NCOR1: variants seen among roughly 807,000 people sequenced by gnomAD.
The protein encoded by NCOR1 is protein phosphatase 1, regulatory subunit 109.
Under a neutral mutation model 288.1 loss-of-function variants are expected in NCOR1, and 63 were observed. The observed-to-expected ratio is 0.22, with a 90% CI of 0.18 to 0.27. The LOEUF is 0.27. Among genes scored for constraint, NCOR1 ranks in the 10% least tolerant of loss-of-function variants. The pLI is 1.00. For synonymous variants in NCOR1, 1,007 were observed against 1,065.9 expected (o/e 0.94, Z 1.08); for missense variants, 2,397 against 3,019.2 (o/e 0.79, Z 4.83).
chr17:16,164,059 T>C (rs1238326567), intron 5 of NCOR1, among the ~76,000 whole-genome samples: 2 of 151,948 alleles, frequency 1.3e-5, no homozygotes, highest in Non-Finnish European at 2.9e-5. Context: ...TGTTCTAGAA[T>C]TAGAGAGTGG....
intron 4 of NCOR1, among the ~76,000 whole-genome samples, chr17:16,170,963 C>T (rs1414465349): frequency 6.6e-6 from 1 of 151,804 alleles, no homozygotes; most frequent in Non-Finnish European, 1.5e-5. Flanking sequence ...TAATAGAACT[C>T]GCATTGTTTG....
chr17:16,126,164 CTTT>C lies in NCOR1; in HGVS notation c.1549_1551del (p.Lys517del), dbSNP rs761010052. On this transcript the variant is annotated inframe_deletion, in exon 15 of 46. Coordinates refer to ENST00000268712, the MANE Select transcript of NCOR1 (RefSeq NM_006311.4). ...TCTGTTTTTTCTGCTTTATCCTCTT[CTTT>C]TTCTTCTACTTTTTCTTCTTGCGAG... The C allele has an allele frequency of 1.1e-4, 175 of 1,549,062 alleles. No individual in the cohort carries two copies. The highest frequency in any genetic ancestry group is 1.5e-4 in the Non-Finnish European group (173 of 1,152,250).
intron 16 of NCOR1, 135 bp downstream of exon 16, chr17:16,120,917 T>C: frequency 1.3e-6 from 1 of 782,564 alleles, no homozygotes; most frequent in Non-Finnish European, 1.9e-6. Flanking sequence ...ACATTAAAGT[T>C]TAAAAAATTT....
At chr17:16,157,683 T>TA (rs1278714033) in intron 6 of NCOR1, among the ~76,000 whole-genome samples, 3 of 152,136 alleles carry the variant, frequency 2.0e-5, no homozygotes, top group African/African-American at 7.2e-5. Context: ...TGCCTTTAGC[T>TA]AAAAACCCTA....
intron 19 of NCOR1, among the ~76,000 whole-genome samples, chr17:16,104,697 A>C (rs1023736809): frequency 6.6e-6 from 1 of 152,296 alleles, no homozygotes; most frequent in Non-Finnish European, 1.5e-5. Context: ...CTTGAGCCCA[A>C]GAGGTCAAGG....
At chr17:16,176,893 G>A (rs1241265335) in intron 3 of NCOR1, among the ~76,000 whole-genome samples, 1 of 151,978 alleles carries the variant, frequency 6.6e-6, no homozygotes, top group Admixed American at 6.6e-5. Context: ...AACAAGATAT[G>A]TTTTATCAAT....
Position 16,063,535 on chromosome 17 carries a change from A to G in NCOR1, c.5221+533T>C, listed in dbSNP as rs145455520. Among the ~76,000 whole-genome samples, 297 of 152,244 alleles carry G rather than the reference A, an allele frequency of 2.0e-3. 5 individuals are homozygous for G. Among genetic ancestry groups the G allele is most frequent in the Admixed American group, 0.015 (223 of 15,290 alleles). ...CCTAGACGTGGAATTACTAGACAAA[A>G]GAGTATTTAAAATTTTTATCTCCAC... is the stretch of plus-strand genomic sequence containing the variant. On this transcript the variant is annotated intron_variant, in intron 35 of 45. Coordinates refer to ENST00000268712, the MANE Select transcript of NCOR1 (RefSeq NM_006311.4).
At chr17:16,127,209 ATATC>A (rs1260110506) in intron 14 of NCOR1, among the ~76,000 whole-genome samples, 1 of 146,586 alleles carries the variant, frequency 6.8e-6, no homozygotes, top group African/African-American at 2.6e-5. Flanking sequence ...ATGTATGTAT[ATATC>A]TGTATGTATA....
chr17:16,039,392 T>G (rs1567644749), intron 44 of NCOR1, 41 bp downstream of exon 44: 2 of 1,587,074 alleles, frequency 1.3e-6, no homozygotes, highest in Admixed American at 1.7e-5. Context: ...CTGGCTTTTT[T>G]GGGGAAAAGC....
chr17:16,034,214 T>C (rs1973451231), intron 45 of NCOR1, among the ~76,000 whole-genome samples: 1 of 152,126 alleles, frequency 6.6e-6, no homozygotes, highest in South Asian at 2.1e-4. Flanking sequence ...AGGAGAATGG[T>C]TGAGATTATT....
chr17:16,184,492 G>A (rs1414547223), intron 3 of NCOR1, among the ~76,000 whole-genome samples: 1 of 152,166 alleles, frequency 6.6e-6, no homozygotes, highest in Non-Finnish European at 1.5e-5. Context: ...TCAGGGAACT[G>A]TATATTAAAA....
chr17:16,036,789 T>A (rs946691162), intron 44 of NCOR1, among the ~76,000 whole-genome samples: 1 of 151,442 alleles, frequency 6.6e-6, no homozygotes, highest in East Asian at 1.9e-4. Flanking sequence ...TTGTGGCTGG[T>A]TTGGTCTTCT....
chr17:16,206,118 T>C (rs1361614999), intron 1 of NCOR1, among the ~76,000 whole-genome samples: 2 of 151,852 alleles, frequency 1.3e-5, no homozygotes. Flanking sequence ...TGAATACTAC[T>C]GGTAGCTTTA....
rs1598441073 is a variant in NCOR1 at position 16,091,959 on chromosome 17, C to T, written c.2920G>A (p.Glu974Lys). 2 of 1,614,234 alleles carry T rather than the reference C, an allele frequency of 1.2e-6. No individual in the cohort carries two copies. The highest frequency in any genetic ancestry group is 8.5e-7 in the Non-Finnish European group (1 of 1,180,046). ...IKAMHESALL[E>K]EQRQRQEQID... ...TGTTCTTGTCTCTGCCGCTGCTCCTCCAGGAGTGCTGACTCATGCATTGCT... is the reference window on the plus strand; with the variant it reads ...TGTTCTTGTCTCTGCCGCTGCTCCTTCAGGAGTGCTGACTCATGCATTGCT... Residue 974 changes from glutamate (E) to lysine (K), a missense_variant, in exon 22 of 46, where the codon GAG becomes AAG. Transcript: ENST00000268712.
chr17:16,044,880 C>T, intron 42 of NCOR1: 1 of 754,878 alleles, frequency 1.3e-6, no homozygotes, highest in Admixed American at 2.0e-5. Flanking sequence ...TGCTGCTGCT[C>T]CAGCTGAGAA....
In NCOR1 at chr17:16,072,146, C is replaced by T. The variant is rs2061829089; in HGVS notation, c.3894G>A (p.Gln1298=). 6.2e-7 allele frequency: 1 copy of T among 1,604,260 alleles called. No homozygotes were observed. The highest frequency in any genetic ancestry group is 1.3e-5 in the African/African-American group (1 of 74,758). Reference sequence around the variant, plus strand: ...ATGCAAAACAAGCAGAAAGTTTACCCTGCATTATGGAGCCAGACAATACAG... The same window carrying T: ...ATGCAAAACAAGCAGAAAGTTTACCTTGCATTATGGAGCCAGACAATACAG... The part of the protein sequence containing the change: ...ERTVLSGSIM[Q]GTPRATTESF... The change falls in exon 29 of 46, where the codon CAG becomes CAA. Residue 1298 remains glutamine (Q), a splice_region_variant and synonymous_variant. Coordinates refer to ENST00000268712, the MANE Select transcript of NCOR1 (RefSeq NM_006311.4).
intron 27 of NCOR1, 90 bp from the exon 28 acceptor site, chr17:16,073,659 AAATAAT>A (rs1408221133): frequency 1.9e-6 from 2 of 1,040,690 alleles, no homozygotes; most frequent in Non-Finnish European, 1.3e-6. Flanking sequence ...TATCTTATAA[AAATAAT>A]AATATTAAAA....
intron 3 of NCOR1, among the ~76,000 whole-genome samples, chr17:16,175,115 CCCA>C (rs2083873958): frequency 6.6e-6 from 1 of 151,994 alleles, no homozygotes; most frequent in Non-Finnish European, 1.5e-5. Flanking sequence ...CGCCTGTAAT[CCCA>C]AGACTTTGGG....
chr17:16,051,631 A>G lies in NCOR1; in HGVS notation c.6393-2643T>C, dbSNP rs1597879001. On this transcript the variant is annotated intron_variant, in intron 40 of 45. Coordinates refer to ENST00000268712, the MANE Select transcript of NCOR1 (RefSeq NM_006311.4). ...GAAGACAAGAAATAACCAAAACTGCAGGGGGCGCGGTGGCTCACACCTGTA... is the reference window on the plus strand; with the variant it reads ...GAAGACAAGAAATAACCAAAACTGCGGGGGGCGCGGTGGCTCACACCTGTA... Among the ~76,000 whole-genome samples the G allele has an allele frequency of 2.6e-5, 4 of 152,248 alleles. No individual in the cohort carries two copies. In the South Asian group the frequency reaches 6.2e-4, roughly 24 times the overall value.
Sources: allele counts gnomAD v4.1 joint callset (sites outside exome capture counted in the v4.1 genomes callset), GRCh38; gene constraint gnomAD v4.1.1; transcripts MANE v1.5; gene names NCBI Gene and HGNC (gene_info 2026-07-23, HGNC 2026-07-21).